Variants in NIPAL2 observed in about 807,000 individuals in gnomAD.
NIPAL2 encodes the protein NIPA-like protein 2.
Under a neutral mutation model 48.9 loss-of-function variants are expected in NIPAL2, and 43 were observed. That is an observed-to-expected ratio of 0.88 (90% confidence interval 0.69 to 1.13). NIPAL2 has a LOEUF of 1.13. Ranked by LOEUF, NIPAL2 falls within the 50% of genes most tolerant of loss-of-function variation. The pLI is 0.00. For missense variants in NIPAL2, 446 were observed against 461.4 expected (o/e 0.97, Z 0.31); for synonymous variants, 167 against 174.6 (o/e 0.96, Z 0.34).
chr8:98,207,626 T>A (rs914512186), intron 6 of NIPAL2, among the ~76,000 whole-genome samples: 1 of 152,224 alleles, frequency 6.6e-6, no homozygotes, highest in African/African-American at 2.4e-5. Context: ...CATATTCATT[T>A]AAAAATTTTT....
At position 98,222,539 on chromosome 8, in the gene NIPAL2, CT is replaced by C; in HGVS notation, c.497del (p.Gln166ArgfsTer18). ...ACTGTACTGTTCTTGCTGAGATTGC[CT>C]GAGTTATATTTGGAGCAAAGTTCAC... ...LLVNFAPNIT[Q>X]AISARTVQYY... On this transcript the variant is annotated frameshift_variant, in exon 5 of 11. Coordinates refer to ENST00000430223, the MANE Select transcript of NIPAL2 (RefSeq NM_001321635.2). LOFTEE classifies it high-confidence loss of function. 6.2e-7 allele frequency: 1 copy of C among 1,614,034 alleles called. No homozygotes were observed. Among genetic ancestry groups the C allele is most frequent in the Non-Finnish European group, 8.5e-7 (1 of 1,179,908 alleles).
intron 4 of NIPAL2, among the ~76,000 whole-genome samples, chr8:98,227,172 G>A (rs1783133313): frequency 6.6e-6 from 1 of 152,106 alleles, no homozygotes; most frequent in African/African-American, 2.4e-5. Context: ...TGGTTCAAGG[G>A]AAGTCTAGAA....
At chr8:98,293,910 T>C (rs993082295) in intron 1 of NIPAL2, 93 bp downstream of exon 1, 9 of 1,190,196 alleles carry the variant, frequency 7.6e-6, no homozygotes, top group Non-Finnish European at 9.8e-6. Flanking sequence ...TCCTGAGAGC[T>C]GGCAGGAAAG....
intron 1 of NIPAL2, among the ~76,000 whole-genome samples, chr8:98,274,575 A>G (rs986029291): frequency 1.3e-5 from 2 of 151,954 alleles, no homozygotes; most frequent in Non-Finnish European, 2.9e-5. Flanking sequence ...TTTTTGTTTT[A>G]AAGTCTATTT....
At chr8:98,246,633 G>C (rs540795764) in intron 3 of NIPAL2, among the ~76,000 whole-genome samples, 68 of 152,300 alleles carry the variant, frequency 4.5e-4, no homozygotes, top group Non-Finnish European at 9.6e-4. Context: ...ACCTGGCATA[G>C]TGGATGCTCA....
At chr8:98,222,653 G>T in intron 4 of NIPAL2, 53 bp from the exon 5 acceptor site, 2 of 1,588,074 alleles carry the variant, frequency 1.3e-6, no homozygotes. Flanking sequence ...TAAAGCTTTT[G>T]TTGACGCAGA....
intron 3 of NIPAL2, among the ~76,000 whole-genome samples, chr8:98,250,081 GT>G (rs1397421212): frequency 2.6e-5 from 4 of 152,032 alleles, no homozygotes; most frequent in African/African-American, 9.7e-5. Flanking sequence ...TAAAACTATT[GT>G]AAGTGTTCTG....
rs571856024 is a variant in NIPAL2, at chr8:98,235,718, T to C, written c.436+437A>G. Reference sequence around the variant, plus strand: ...CTAGTGTCACATTTAGAGCTCAAATTTTAAAAAAAATATGATCTCCCTGGA... The same window carrying C: ...CTAGTGTCACATTTAGAGCTCAAATCTTAAAAAAAATATGATCTCCCTGGA... On this transcript the variant is annotated intron_variant, in intron 4 of 10. Coordinates refer to ENST00000430223, the MANE Select transcript of NIPAL2 (RefSeq NM_001321635.2). Among the ~76,000 whole-genome samples, 73 of 151,668 alleles carry C rather than the reference T, an allele frequency of 4.8e-4. 1 individual carries two copies. The South Asian group carries it at 0.014, about 28-fold the overall frequency.
intron 3 of NIPAL2, among the ~76,000 whole-genome samples, chr8:98,250,165 A>G (rs1014573176): frequency 6.6e-6 from 1 of 152,220 alleles, no homozygotes; most frequent in Non-Finnish European, 1.5e-5. Context: ...AAAAATCAGA[A>G]AAGAATATGC....
At chr8:98,290,089 A>T (rs1255316277) in intron 1 of NIPAL2, among the ~76,000 whole-genome samples, 1 of 152,220 alleles carries the variant, frequency 6.6e-6, no homozygotes, top group Non-Finnish European at 1.5e-5. Context: ...TTGCTGTAAG[A>T]TCTTGGGGCA....
chr8:98,222,450 G>A (rs761643022), intron 5 of NIPAL2, 29 bp downstream of exon 5: 50 of 1,608,598 alleles, frequency 3.1e-5, no homozygotes, highest in South Asian at 7.8e-5. Flanking sequence ...ATATAGCTTC[G>A]GGGATAGTAA....
At chr8:98,284,537 G>A (rs1002674425) in intron 1 of NIPAL2, among the ~76,000 whole-genome samples, 1 of 151,924 alleles carries the variant, frequency 6.6e-6, no homozygotes, top group African/African-American at 2.4e-5. Flanking sequence ...TATAGAGAAG[G>A]CCTCTCTGCT....
rs1813631791 is a variant in NIPAL2, at chr8:98,252,286, A to T, written c.376+177T>A. On this transcript the variant is annotated intron_variant, in intron 3 of 10. Coordinates refer to ENST00000430223, the MANE Select transcript of NIPAL2 (RefSeq NM_001321635.2). ...ACAAAATGCAAGTTTCTTCATGGTT[A>T]ATGTGACAGCATGACAATGGATCGC... The T allele has an allele frequency of 2.7e-5, 16 of 591,976 alleles. 1 individual carries two copies. In the South Asian group the frequency reaches 4.6e-4, roughly 17 times the overall value. The allele number at this position is 591,976 out of a possible 1,614,324, so 36.7% of individuals were successfully genotyped here.
intron 1 of NIPAL2, among the ~76,000 whole-genome samples, chr8:98,288,466 G>A (rs1816313960): frequency 6.6e-6 from 1 of 151,898 alleles, no homozygotes; most frequent in East Asian, 1.9e-4. Flanking sequence ...TTGGTTCCAA[G>A]TCTTTGCTAT....
intron 5 of NIPAL2, among the ~76,000 whole-genome samples, chr8:98,219,976 A>G (rs906234208): frequency 6.6e-6 from 1 of 152,166 alleles, no homozygotes; most frequent in African/African-American, 2.4e-5. Flanking sequence ...ATTTGAAGAC[A>G]TTCTTGGTAT....
chr8:98,208,750 G>A (rs1025867995), intron 6 of NIPAL2, among the ~76,000 whole-genome samples: 11 of 152,040 alleles, frequency 7.2e-5, no homozygotes, highest in Admixed American at 1.3e-4. Context: ...CACCAGGCCT[G>A]GAGTCCTTTA....
At chr8:98,271,493 T>C (rs1407014254) in intron 1 of NIPAL2, among the ~76,000 whole-genome samples, 1 of 152,146 alleles carries the variant, frequency 6.6e-6, no homozygotes, top group African/African-American at 2.4e-5. Context: ...ATTTGGCTCT[T>C]AGCTTGAACA....
intron 10 of NIPAL2, chr8:98,193,475 A>G: frequency 6.5e-7 from 1 of 1,530,662 alleles, no homozygotes; most frequent in South Asian, 1.1e-5. Context: ...GTGACTTCTA[A>G]AGCTACTACG....
Position 98,190,849 on chromosome 8 carries a change from G to A in NIPAL2, c.*2129C>T, listed in dbSNP as rs1260587302. On this transcript the variant is annotated 3_prime_UTR_variant, in exon 11 of 11. Coordinates refer to ENST00000430223, the MANE Select transcript of NIPAL2 (RefSeq NM_001321635.2). ...CAGATGAGCTAACAGTTGGCTAAAG[G>A]TCCTCAACTCACAATGCCAAGAGAA... 1 of 152,120 alleles carries A rather than the reference G, an allele frequency of 6.6e-6. No homozygotes were observed. Among genetic ancestry groups the A allele is most frequent in the Non-Finnish European group, 1.5e-5 (1 of 68,026 alleles). 9.4% of individuals were successfully genotyped at this position (152,120 alleles called of 1,614,324 possible).
Sources: allele counts gnomAD v4.1 joint callset (sites outside exome capture counted in the v4.1 genomes callset), GRCh38; gene constraint gnomAD v4.1.1; transcripts MANE v1.5; gene names NCBI Gene and HGNC (gene_info 2026-07-23, HGNC 2026-07-21).